Variants in ATXN10 observed in about 807,000 individuals in gnomAD.
ATXN10 encodes ataxin 10.
A neutral mutation model predicts 52.9 loss-of-function variants in ATXN10; 28 were observed. The observed-to-expected ratio is 0.53, with a 90% CI of 0.39 to 0.73. ATXN10 has a LOEUF of 0.73. Ranked by LOEUF, ATXN10 falls within the 30% of genes least tolerant of loss-of-function variation. The pLI, the probability that ATXN10 is intolerant of heterozygous loss-of-function variation, is 0.00. For missense variants in ATXN10, 565 were observed against 577.0 expected (o/e 0.98, Z 0.21); for synonymous variants, 226 against 221.5 (o/e 1.02, Z -0.18).
In ATXN10 at chr22:45,818,116, T is replaced by G. The variant is rs765839132; in HGVS notation, c.1237+11094T>G. On this transcript the variant is annotated intron_variant, in intron 10 of 11. Coordinates refer to ENST00000252934, the MANE Select transcript of ATXN10 (RefSeq NM_013236.4). The surrounding 1 kb of genome is among the most constrained non-coding windows in gnomAD (Gnocchi z 4.6). ...AGACTGTACAAGTAAATATTCCAAG[T>G]TGTGCTCCTTCAGGTTTTGTCTACT... Among the ~76,000 whole-genome samples, 1 of 152,220 alleles carries G rather than the reference T, an allele frequency of 6.6e-6. No homozygotes were observed. Among genetic ancestry groups the G allele is most frequent in the Non-Finnish European group, 1.5e-5 (1 of 68,034 alleles).
rs768439641 is a variant in ATXN10 at position 45,692,990 on chromosome 22, AC to A, written c.309-3del. 137 of 1,613,890 alleles carry A rather than the reference AC, an allele frequency of 8.5e-5. 1 individual carries two copies. The South Asian group carries it at 1.4e-3, about 17-fold the overall frequency. Reference sequence around the variant, plus strand: ...TGTCTAATTTTGTCTTTTTTAAAAAACCCAGGAACTTGGATACGATTGGTGT... The same window carrying A: ...TGTCTAATTTTGTCTTTTTTAAAAAACCAGGAACTTGGATACGATTGGTGT... On this transcript the variant is annotated splice_region_variant and splice_polypyrimidine_tract_variant and intron_variant, in intron 2 of 11. Transcript: ENST00000252934.
At position 45,842,861 on chromosome 22, in the gene ATXN10, CT is replaced by C. The variant is rs1224216461; in HGVS notation, c.1238-129del. ...GAGATGCATATTCAGAGAATGCATC[CT>C]CAAGAAAACTTGTGGATTGATACTG... is the stretch of plus-strand genomic sequence containing the variant. On this transcript the variant is annotated intron_variant, in intron 10 of 11. Coordinates refer to ENST00000252934, the MANE Select transcript of ATXN10 (RefSeq NM_013236.4). This position sits in a 1 kb window ranked among gnomAD's most constrained non-coding sequence, Gnocchi z 4.8. The C allele has an allele frequency of 8.6e-6, 9 of 1,042,988 alleles. No individual in the cohort carries two copies. Among genetic ancestry groups the C allele is most frequent in the Non-Finnish European group, 1.3e-5 (9 of 680,446 alleles). The allele number at this position is 1,042,988 out of a possible 1,614,324, so 64.6% of individuals were successfully genotyped here. A position where few individuals can be genotyped will look rare whatever the true frequency, so the allele number is the denominator to read the frequency against.
chr22:45,812,289 G>T (rs891396346), intron 10 of ATXN10, among the ~76,000 whole-genome samples: 5 of 152,204 alleles, frequency 3.3e-5, no homozygotes, highest in Non-Finnish European at 7.3e-5. Context: ...CTTCCTAAGG[G>T]CAGGGATCAA....
intron 3 of ATXN10, among the ~76,000 whole-genome samples, chr22:45,698,194 C>G (rs1923696662): frequency 6.6e-6 from 1 of 152,172 alleles, no homozygotes; most frequent in Admixed American, 6.5e-5. Context: ...TATGGTAACT[C>G]TGCTTACCAT....
rs1243168358 is a variant in ATXN10, at chr22:45,843,501, A to G, written c.1426-168A>G. Among the ~76,000 whole-genome samples, 2 of 152,250 alleles carry G rather than the reference A, an allele frequency of 1.3e-5. No homozygotes were observed. Among genetic ancestry groups the G allele is most frequent in the South Asian group, 2.1e-4 (1 of 4,838 alleles). On this transcript the variant is annotated intron_variant, in intron 11 of 11. Transcript: ENST00000252934. This position sits in a 1 kb window ranked among gnomAD's most constrained non-coding sequence, Gnocchi z 4.5. ...CTTTAAAAGATAGTTAATGTTCACT[A>G]TAGTTTAAAAAACAGAACTCCTTGA...
At chr22:45,794,842 A>G (rs539802341) in intron 9 of ATXN10, among the ~76,000 whole-genome samples, 2 of 152,294 alleles carry the variant, frequency 1.3e-5, no homozygotes, top group South Asian at 2.1e-4. Flanking sequence ...GACCTATACA[A>G]ATATATACAA....
rs1293260604 is a variant in ATXN10 at position 45,795,664 on chromosome 22, T to A, written c.1174-11295T>A. 1.3e-5 allele frequency among the ~76,000 whole-genome samples: 2 copies of A among 152,142 alleles called. No homozygotes were observed. Among genetic ancestry groups the A allele is most frequent in the Non-Finnish European group, 2.9e-5 (2 of 68,026 alleles). Reference sequence around the variant, plus strand: ...TGAAGCCATGGCAGAAGAACATAAATTGTTAAGATTTCATGGACATTTATT... The same window carrying A: ...TGAAGCCATGGCAGAAGAACATAAAATGTTAAGATTTCATGGACATTTATT... On this transcript the variant is annotated intron_variant, in intron 9 of 11. Coordinates refer to ENST00000252934, the MANE Select transcript of ATXN10 (RefSeq NM_013236.4). The surrounding 1 kb of genome is among the most constrained non-coding windows in gnomAD (Gnocchi z 4.6).
chr22:45,675,480 G>C (rs1922647531), intron 1 of ATXN10: 1 of 152,270 alleles, frequency 6.6e-6, no homozygotes, highest in Admixed American at 6.5e-5. Flanking sequence ...AAGCATCGTA[G>C]TTTCCTCTTT....
intron 10 of ATXN10, among the ~76,000 whole-genome samples, chr22:45,814,510 T>A (rs1401341401): frequency 6.6e-6 from 1 of 152,216 alleles, no homozygotes; most frequent in African/African-American, 2.4e-5. Context: ...TAATACATGA[T>A]GGTGGGATGT....
rs1328209371 is a variant in ATXN10, at chr22:45,683,088, G to A, written c.117-6624G>A. On this transcript the variant is annotated intron_variant, in intron 1 of 11. Coordinates refer to ENST00000252934, the MANE Select transcript of ATXN10 (RefSeq NM_013236.4). The surrounding 1 kb of genome is among the most constrained non-coding windows in gnomAD (Gnocchi z 4.8). ...CATCCCAGCACTTTGGGAGGCCAAG[G>A]CAGGTGGATCACCTGAGGCCAGGAG... Among the ~76,000 whole-genome samples the A allele has an allele frequency of 6.6e-6, 1 of 152,202 alleles. No homozygotes were observed. Among genetic ancestry groups the A allele is most frequent in the Non-Finnish European group, 1.5e-5 (1 of 68,044 alleles).
chr22:45,831,829 G>A (rs981567429), intron 10 of ATXN10, among the ~76,000 whole-genome samples: 1 of 152,206 alleles, frequency 6.6e-6, no homozygotes, highest in African/African-American at 2.4e-5. Context: ...GTGAAGTCAC[G>A]TGCCTGATAG....
At chr22:45,773,448 A>G in intron 9 of ATXN10, among the ~76,000 whole-genome samples, 1 of 144,806 alleles carries the variant, frequency 6.9e-6, no homozygotes, top group Non-Finnish European at 1.6e-5. Context: ...ATGAAGAATT[A>G]TTTATTTATT....
Position 45,689,725 on chromosome 22 carries a change from A to C in ATXN10, c.130A>C (p.Arg44=). ...KEQRNRETAP[R]TIFQRVLDIL... Reference sequence around the variant, plus strand: ...ATCCTTTTTCAGAGAAACAGCACCCAGGACTATCTTCCAAAGAGTTCTGGA... The same window carrying C: ...ATCCTTTTTCAGAGAAACAGCACCCCGGACTATCTTCCAAAGAGTTCTGGA... The change falls in exon 2 of 12, where the codon AGG becomes CGG. Residue 44 remains arginine (R), a synonymous_variant. Transcript: ENST00000252934. 1 of 1,614,088 alleles carries C rather than the reference A, an allele frequency of 6.2e-7. No homozygotes were observed.
At position 45,789,187 on chromosome 22, in the gene ATXN10, A is replaced by G. The variant is rs1927421883; in HGVS notation, c.1174-17772A>G. On this transcript the variant is annotated intron_variant, in intron 9 of 11. Coordinates refer to ENST00000252934, the MANE Select transcript of ATXN10 (RefSeq NM_013236.4). This position sits in a 1 kb window ranked among gnomAD's most constrained non-coding sequence, Gnocchi z 4.0. ...CTAAAACAGTCTTTGGCCACTCTCAATCTCTAGTAGATCATCTTAATTATT... is the reference window on the plus strand; with the variant it reads ...CTAAAACAGTCTTTGGCCACTCTCAGTCTCTAGTAGATCATCTTAATTATT... Among the ~76,000 whole-genome samples, 1 of 152,140 alleles carries G rather than the reference A, an allele frequency of 6.6e-6. No individual in the cohort carries two copies. The highest frequency in any genetic ancestry group is 2.4e-5 in the African/African-American group (1 of 41,410).
rs1244730690 is a variant in ATXN10 at position 45,787,988 on chromosome 22, C to T, written c.1174-18971C>T. On this transcript the variant is annotated intron_variant, in intron 9 of 11. Coordinates refer to ENST00000252934, the MANE Select transcript of ATXN10 (RefSeq NM_013236.4). This position sits in a 1 kb window ranked among gnomAD's most constrained non-coding sequence, Gnocchi z 4.2. The stretch of plus-strand genomic sequence containing the variant: ...ACTCAAATCTTTTGGTTGAGTAATA[C>T]TTGGTGCTGATCCCAAGGTTATACA... Among the ~76,000 whole-genome samples the T allele has an allele frequency of 6.6e-6, 1 of 152,166 alleles. No individual in the cohort carries two copies. Among genetic ancestry groups the T allele is most frequent in the East Asian group, 1.9e-4 (1 of 5,202 alleles).
chr22:45,827,741 A>G (rs1034881989), intron 10 of ATXN10, among the ~76,000 whole-genome samples: 13 of 152,222 alleles, frequency 8.5e-5, no homozygotes, highest in African/African-American at 3.1e-4. Flanking sequence ...ACAGAAGGTA[A>G]GTAAGGAAAC....
intron 5 of ATXN10, among the ~76,000 whole-genome samples, chr22:45,714,757 C>A (rs1286465811): frequency 1.3e-5 from 2 of 151,984 alleles, no homozygotes; most frequent in African/African-American, 4.8e-5. Flanking sequence ...AAAATGTGTT[C>A]CGTAGTTTTG....
intron 9 of ATXN10, among the ~76,000 whole-genome samples, chr22:45,800,299 G>C (rs1329215204): frequency 6.6e-6 from 1 of 152,144 alleles, no homozygotes; most frequent in Non-Finnish European, 1.5e-5. Context: ...AAACAACCCA[G>C]TTAATAAAAT....
At chr22:45,807,334 T>C (rs2146885097) in intron 10 of ATXN10, among the ~76,000 whole-genome samples, 1 of 152,306 alleles carries the variant, frequency 6.6e-6, no homozygotes, top group South Asian at 2.1e-4. Flanking sequence ...GGTGTCACCT[T>C]TCCAGTGTGT....
Sources: gnomAD v4.1 joint callset for allele counts (sites outside exome capture counted in the v4.1 genomes callset) on GRCh38, gnomAD v4.1.1 for gene constraint, Gnocchi (gnomAD v3.1) non-coding constraint, MANE v1.5 for transcripts, NCBI Gene and HGNC (gene_info 2026-07-23, HGNC 2026-07-21) for gene names.